Variants in DAPP1 observed in about 807,000 individuals in gnomAD.
The protein encoded by DAPP1 is dual adaptor of phosphotyrosine and 3-phosphoinositides 1.
DAPP1 carries 20 observed loss-of-function variants against 41.5 expected under a neutral mutation model. The ratio of observed to expected loss-of-function variants is 0.48; its 90% CI spans 0.34 to 0.70. The LOEUF (loss-of-function observed/expected upper bound fraction) is 0.70, where lower values mean the gene tolerates loss of function less well. DAPP1 is among the 30% of genes least tolerant of loss of function. DAPP1 has a pLI of 0.01. For missense variants in DAPP1, 233 were observed against 333.4 expected, an observed-to-expected ratio of 0.70 and a Z score of 2.35; for synonymous variants, 113 against 116.2, an observed-to-expected ratio of 0.97 and a Z score of 0.18.
At chr4:99,833,640 A>G (rs1034805214) in intron 1 of DAPP1, among the ~76,000 whole-genome samples, 11 of 152,214 alleles carry the variant, frequency 7.2e-5, no homozygotes, top group Admixed American at 6.5e-5. Flanking sequence ...TTAGTTCATC[A>G]CACTGACATT....
intron 8 of DAPP1, among the ~76,000 whole-genome samples, chr4:99,866,982 G>T (rs7688078): frequency 0.01 from 1,557 of 151,870 alleles, 29 homozygotes; most frequent in African/African-American, 0.035. Context: ...TTTGGCCAGG[G>T]TGGTCTCGAA....
At chr4:99,824,603 C>T (rs1481186326) in intron 1 of DAPP1, among the ~76,000 whole-genome samples, 2 of 152,176 alleles carry the variant, frequency 1.3e-5, no homozygotes, top group African/African-American at 4.8e-5. Flanking sequence ...CCCTCTCTGT[C>T]TCCTACACTA....
chr4:99,837,331 C>T (rs530620188), intron 2 of DAPP1, among the ~76,000 whole-genome samples: 21 of 152,242 alleles, frequency 1.4e-4, no homozygotes, highest in African/African-American at 5.1e-4. Flanking sequence ...TCTTAGAATG[C>T]TGCCTGCCAC....
At chr4:99,864,166 C>T in intron 7 of DAPP1, 1 of 187,696 alleles carries the variant, frequency 5.3e-6, no homozygotes, top group East Asian at 1.5e-4. Context: ...ACTTTGTTGA[C>T]TCTAATGATA....
chr4:99,818,812 A>T (rs1273036932), intron 1 of DAPP1, among the ~76,000 whole-genome samples: 2 of 152,220 alleles, frequency 1.3e-5, no homozygotes, highest in East Asian at 3.8e-4. Flanking sequence ...ACTGCTCTAC[A>T]GTCCTGGTTC....
chr4:99,834,533 C>T (rs1723229496), intron 1 of DAPP1, among the ~76,000 whole-genome samples: 1 of 152,128 alleles, frequency 6.6e-6, no homozygotes, highest in South Asian at 2.1e-4. Flanking sequence ...ACTATAATTC[C>T]TTCCATCCAG....
At chr4:99,828,451 C>A (rs533496960) in intron 1 of DAPP1, among the ~76,000 whole-genome samples, 1 of 152,022 alleles carries the variant, frequency 6.6e-6, no homozygotes, top group Admixed American at 6.6e-5. Flanking sequence ...TGAGTCAATT[C>A]AAAAAATTTA....
At chr4:99,842,964 A>G (rs1198393089) in intron 3 of DAPP1, among the ~76,000 whole-genome samples, 1 of 151,674 alleles carries the variant, frequency 6.6e-6, no homozygotes, top group African/African-American at 2.4e-5. Flanking sequence ...CCAGAAGTAC[A>G]GATATTTCTT....
intron 3 of DAPP1, among the ~76,000 whole-genome samples, chr4:99,847,261 A>G (rs1723696220): frequency 6.6e-6 from 1 of 152,186 alleles, no homozygotes; most frequent in Admixed American, 6.5e-5. Flanking sequence ...AGTTTTGTGT[A>G]CCCTGTGCTA....
intron 1 of DAPP1, 71 bp downstream of exon 1, chr4:99,817,085 T>C: frequency 1.7e-6 from 2 of 1,163,288 alleles, no homozygotes; most frequent in East Asian, 2.6e-5. Context: ...CCTGCATGCT[T>C]TGATTAATGA....
intron 6 of DAPP1, among the ~76,000 whole-genome samples, chr4:99,863,517 TTCCATGTGTTAAAA>T (rs1197980150): frequency 2.0e-5 from 3 of 152,164 alleles, no homozygotes; most frequent in Non-Finnish European, 4.4e-5. Flanking sequence ...TATACCTCTC[TTCCATGTGTTAAAA>T]TCCATCTTCA....
chr4:99,822,558 G>A (rs1445118158), intron 1 of DAPP1, among the ~76,000 whole-genome samples: 5 of 152,148 alleles, frequency 3.3e-5, no homozygotes, highest in Non-Finnish European at 7.3e-5. Context: ...CCTGAATAAA[G>A]GAGTGATGGT....
chr4:99,835,895 A>G, intron 2 of DAPP1, 150 bp downstream of exon 2: 3 of 1,021,144 alleles, frequency 2.9e-6, no homozygotes, highest in Non-Finnish European at 4.2e-6. Context: ...ATGAGGGTGT[A>G]AAACAACATT....
chr4:99,871,421 TA>T (rs201253158), downstream of DAPP1, among the ~76,000 whole-genome samples: 132 of 152,292 alleles, frequency 8.7e-4, no homozygotes, highest in African/African-American at 3.0e-3. Context: ...CTTTTTTTTT[TA>T]AATTTATAAT....
chr4:99,829,046 G>A (rs1264978841), intron 1 of DAPP1, among the ~76,000 whole-genome samples: 2 of 152,116 alleles, frequency 1.3e-5, no homozygotes, highest in Middle Eastern at 6.8e-3. Context: ...GCATAACAGT[G>A]TGTTCCTACC....
At chr4:99,841,424 C>G (rs867130131) in intron 3 of DAPP1, among the ~76,000 whole-genome samples, 1 of 152,168 alleles carries the variant, frequency 6.6e-6, no homozygotes, top group Non-Finnish European at 1.5e-5. Context: ...CACACCAAGC[C>G]CAAGAAAGAA....
At chr4:99,829,644 C>T (rs1472238917) in intron 1 of DAPP1, among the ~76,000 whole-genome samples, 1 of 152,122 alleles carries the variant, frequency 6.6e-6, no homozygotes, top group Non-Finnish European at 1.5e-5. Context: ...TGCATGACCT[C>T]TCCTCACCAA....
chr4:99,822,378 A>T (rs1244146517), intron 1 of DAPP1, among the ~76,000 whole-genome samples: 2 of 152,144 alleles, frequency 1.3e-5, no homozygotes. Context: ...ATGCATGTAG[A>T]GTTAGAATGC....
At chr4:99,841,464 C>A (rs1723494973) in intron 3 of DAPP1, among the ~76,000 whole-genome samples, 1 of 152,278 alleles carries the variant, frequency 6.6e-6, no homozygotes, top group Non-Finnish European at 1.5e-5. Flanking sequence ...AAGTTATAAC[C>A]TTTTTTTCCT....
Sources: gnomAD v4.1 joint callset for allele counts (sites outside exome capture counted in the v4.1 genomes callset) on GRCh38, gnomAD v4.1.1 for gene constraint, MANE v1.5 for transcripts, NCBI Gene and HGNC (gene_info 2026-07-23, HGNC 2026-07-21) for gene names.